The following OSBPL1A variants were observed in gnomAD, a reference collection of about 807,000 sequenced individuals.
The protein encoded by OSBPL1A is oxysterol-binding protein-related protein 1.
A neutral mutation model predicts 137.1 loss-of-function variants in OSBPL1A; 80 were observed. That is an observed-to-expected ratio of 0.58 (90% confidence interval 0.49 to 0.70). OSBPL1A has a LOEUF of 0.70. Among genes scored for constraint, OSBPL1A ranks in the 30% least tolerant of loss-of-function variants. The pLI is 0.00. For synonymous variants in OSBPL1A, 365 were observed against 389.7 expected (o/e 0.94, Z 0.75); for missense variants, 970 against 1,129.4 (o/e 0.86, Z 2.02).
chr18:24,341,784 C>T (rs1031178250), intron 4 of OSBPL1A, 126 bp from the exon 5 acceptor site: 12 of 564,102 alleles, frequency 2.1e-5, no homozygotes, highest in South Asian at 1.0e-4. Context: ...GAATGTATCA[C>T]GTTATGTCTA....
chr18:24,392,222 G>A (rs529674230), intron 1 of OSBPL1A, among the ~76,000 whole-genome samples: 20 of 151,856 alleles, frequency 1.3e-4, no homozygotes, highest in South Asian at 8.3e-4. Context: ...GTGCAATGGC[G>A]CCATCTCGGT....
chr18:24,290,195 C>T (rs1274122011), intron 14 of OSBPL1A, among the ~76,000 whole-genome samples: 3 of 152,086 alleles, frequency 2.0e-5, no homozygotes, highest in Non-Finnish European at 4.4e-5. Flanking sequence ...TCTCCAATCA[C>T]AATCCATAAA....
At chr18:24,373,981 T>C (rs1294869772) in intron 2 of OSBPL1A, among the ~76,000 whole-genome samples, 1 of 152,062 alleles carries the variant, frequency 6.6e-6, no homozygotes, top group South Asian at 2.1e-4. Context: ...AGTAGATGAC[T>C]TTCTCCTAAT....
intron 15 of OSBPL1A, among the ~76,000 whole-genome samples, chr18:24,244,735 G>A (rs1006849544): frequency 2.0e-5 from 3 of 152,170 alleles, no homozygotes; most frequent in Admixed American, 2.0e-4. Context: ...AAAGTGAATG[G>A]GCGCCAGCAA....
At chr18:24,169,439 C>T (rs1021719570) in intron 24 of OSBPL1A, among the ~76,000 whole-genome samples, 1 of 152,118 alleles carries the variant, frequency 6.6e-6, no homozygotes, top group Non-Finnish European at 1.5e-5. Flanking sequence ...GATGCCAGTC[C>T]GAGGAAGTAC....
intron 17 of OSBPL1A, among the ~76,000 whole-genome samples, chr18:24,223,581 C>T (rs1898307611): frequency 6.6e-6 from 1 of 152,080 alleles, no homozygotes; most frequent in South Asian, 2.1e-4. Flanking sequence ...AGTTTAATCT[C>T]ATCTTAACTT....
chr18:24,294,111 T>G lies in OSBPL1A; in HGVS notation c.1174+9526A>C, dbSNP rs578010791. Among the ~76,000 whole-genome samples, 7 of 152,254 alleles carry G rather than the reference T, an allele frequency of 4.6e-5. No homozygotes were observed. In the East Asian group the frequency reaches 1.4e-3, roughly 29 times the overall value. On this transcript the variant is annotated intron_variant, in intron 14 of 27. Coordinates refer to ENST00000319481, the MANE Select transcript of OSBPL1A (RefSeq NM_080597.4). ...TTTTGCTTTTATATTTCAATAGTTT[T>G]GGGGGAATAGGTGGTGTTTGGTTAC...
At chr18:24,261,483 C>A (rs2146042205) in intron 15 of OSBPL1A, among the ~76,000 whole-genome samples, 1 of 152,084 alleles carries the variant, frequency 6.6e-6, no homozygotes. Flanking sequence ...GTAAAAAAAC[C>A]ACTCATATAT....
Position 24,175,123 on chromosome 18 carries a change from T to TATATAC in OSBPL1A, c.2094-2641_2094-2640insGTATAT, listed in dbSNP as rs1567920203. Among the ~76,000 whole-genome samples the TATATAC allele has an allele frequency of 2.1e-4, 27 of 130,976 alleles. 1 individual carries two copies. Among genetic ancestry groups the TATATAC allele is most frequent in the African/African-American group, 9.1e-4 (27 of 29,568 alleles). 85.9% of individuals were successfully genotyped at this position (130,976 alleles called of 152,430 possible). On this transcript the variant is annotated intron_variant, in intron 21 of 27. Coordinates refer to ENST00000319481, the MANE Select transcript of OSBPL1A (RefSeq NM_080597.4). ...CCATGTGTATGTATATATATATATA[T>TATATAC]ATATATATATATACACATATATATA...
chr18:24,373,400 C>T (rs1905828890), intron 2 of OSBPL1A, among the ~76,000 whole-genome samples: 1 of 152,134 alleles, frequency 6.6e-6, no homozygotes, highest in Admixed American at 6.5e-5. Context: ...TGGAACATCA[C>T]TCATAGAATT....
chr18:24,271,692 G>C lies in OSBPL1A; in HGVS notation c.1281+9150C>G. Reference sequence around the variant, plus strand: ...TCCTCGCAAGCTCCAGCGCGAATGCGCTCGGCCTGCTCCTCCTCCTCCCCT... The same window carrying C: ...TCCTCGCAAGCTCCAGCGCGAATGCCCTCGGCCTGCTCCTCCTCCTCCCCT... On this transcript the variant is annotated intron_variant, in intron 15 of 27. Transcript: ENST00000319481. This position sits in a 1 kb window ranked among gnomAD's most constrained non-coding sequence, Gnocchi z 4.0. The C allele has an allele frequency of 1.0e-6, 1 of 985,916 alleles. No homozygotes were observed. Among genetic ancestry groups the C allele is most frequent in the African/African-American group, 1.7e-5 (1 of 57,362 alleles). 61.1% of individuals were successfully genotyped at this position (985,916 alleles called of 1,614,324 possible).
chr18:24,299,795 G>C (rs895410099), intron 14 of OSBPL1A, among the ~76,000 whole-genome samples: 9 of 152,106 alleles, frequency 5.9e-5, no homozygotes, highest in Non-Finnish European at 1.3e-4. Context: ...ATGCAATATA[G>C]TATATGTATT....
chr18:24,300,738 A>G (rs568980532), intron 14 of OSBPL1A, among the ~76,000 whole-genome samples: 1 of 152,248 alleles, frequency 6.6e-6, no homozygotes. Context: ...GATTCTGTCT[A>G]CAAACATTTT....
chr18:24,319,435 C>T (rs1005568800), intron 7 of OSBPL1A, among the ~76,000 whole-genome samples: 1 of 152,186 alleles, frequency 6.6e-6, no homozygotes, highest in Admixed American at 6.5e-5. Context: ...CACGCTTCAG[C>T]CGTCTCGCTG....
At chr18:24,188,649 A>G (rs2086813058) in intron 18 of OSBPL1A, among the ~76,000 whole-genome samples, 1 of 152,228 alleles carries the variant, frequency 6.6e-6, no homozygotes, top group Admixed American at 6.5e-5. Flanking sequence ...AGACTGCCAT[A>G]AAAACAACCT....
chr18:24,241,160 A>G (rs987807795), intron 15 of OSBPL1A, among the ~76,000 whole-genome samples: 3 of 152,236 alleles, frequency 2.0e-5, no homozygotes, highest in Non-Finnish European at 2.9e-5. Context: ...TAAGACCTAA[A>G]ACCATAAAAA....
chr18:24,244,790 A>G (rs1290243791), intron 15 of OSBPL1A, among the ~76,000 whole-genome samples: 2 of 152,240 alleles, frequency 1.3e-5, no homozygotes, highest in Non-Finnish European at 2.9e-5. Flanking sequence ...GCCAGCTACG[A>G]CACATTCACC....
In OSBPL1A at chr18:24,383,496, G is replaced by A. The variant is rs530884089; in HGVS notation, c.-2-5961C>T. ...TATTGGGCCGGGTGCCTTGGCTCAC[G>A]CCTGTAATCCCAGCACTTTGGGAGG... On this transcript the variant is annotated intron_variant, in intron 1 of 27. Transcript: ENST00000319481. Among the ~76,000 whole-genome samples, 40 of 152,312 alleles carry A rather than the reference G, an allele frequency of 2.6e-4. No individual in the cohort carries two copies. In the Middle Eastern group the frequency reaches 0.01, roughly 39 times the overall value.
chr18:24,361,893 A>C (rs566657465), intron 4 of OSBPL1A, among the ~76,000 whole-genome samples: 2 of 150,372 alleles, frequency 1.3e-5, no homozygotes, highest in African/African-American at 4.9e-5. Flanking sequence ...GCTACTCAGG[A>C]GGCTGAGGCA....
Sources: allele counts gnomAD v4.1 joint callset (sites outside exome capture counted in the v4.1 genomes callset), GRCh38; gene constraint gnomAD v4.1.1; non-coding constraint Gnocchi (gnomAD v3.1); transcripts MANE v1.5; gene names NCBI Gene and HGNC (gene_info 2026-07-23, HGNC 2026-07-21).